The following KIF13B variants were observed in gnomAD, a reference collection of about 807,000 sequenced individuals.
KIF13B encodes kinesin-like protein KIF13B.
KIF13B carries 127 observed loss-of-function variants against 222.0 expected under a neutral mutation model. The ratio of observed to expected loss-of-function variants is 0.57; its 90% CI spans 0.50 to 0.66. The LOEUF (loss-of-function observed/expected upper bound fraction) is 0.66, where lower values mean the gene tolerates loss of function less well. Ranked by LOEUF, KIF13B falls within the 30% of genes least tolerant of loss-of-function variation. The pLI is 0.00. For missense variants in KIF13B, 2,173 were observed against 2,379.0 expected (o/e 0.91, Z 1.80); for synonymous variants, 976 against 919.0 (o/e 1.06, Z -1.12).
chr8:29,175,839 C>T (rs977335956), intron 10 of KIF13B, among the ~76,000 whole-genome samples: 4 of 152,302 alleles, frequency 2.6e-5, no homozygotes, highest in African/African-American at 4.8e-5. Flanking sequence ...ATTCCGTGTG[C>T]GTCCAGCAAC....
In KIF13B at chr8:29,101,089, C is replaced by T. The variant is rs78272097; in HGVS notation, c.4216-1848G>A. 5.8e-3 allele frequency among the ~76,000 whole-genome samples: 878 copies of T among 152,238 alleles called. 6 individuals carry two copies. Among genetic ancestry groups the T allele is most frequent in the African/African-American group, 0.02 (843 of 41,532 alleles). ...GAACGTAAGCTCTGAAATACTTCAGCGGAGGAGCGCTGGCATCCCCATGAA... is the reference window on the plus strand; with the variant it reads ...GAACGTAAGCTCTGAAATACTTCAGTGGAGGAGCGCTGGCATCCCCATGAA... On this transcript the variant is annotated intron_variant, in intron 35 of 39. Coordinates refer to ENST00000524189, the MANE Select transcript of KIF13B (RefSeq NM_015254.4).
At chr8:29,094,470 A>G (rs1808433625) in intron 36 of KIF13B, among the ~76,000 whole-genome samples, 1 of 152,240 alleles carries the variant, frequency 6.6e-6, no homozygotes, top group Non-Finnish European at 1.5e-5. Context: ...TAAGCAAAAG[A>G]GACAGACACA....
At chr8:29,148,837 T>G in intron 15 of KIF13B, 70 bp from the exon 16 acceptor site, 1 of 1,302,518 alleles carries the variant, frequency 7.7e-7, no homozygotes. Context: ...CATTAAGTAC[T>G]GGTATCTGTT....
In KIF13B at chr8:29,224,148, C is replaced by A. The variant is rs191608574; in HGVS notation, c.149+21198G>T. 2.8e-3 allele frequency among the ~76,000 whole-genome samples: 409 copies of A among 144,818 alleles called. 3 individuals carry two copies. Among genetic ancestry groups the A allele is most frequent in the African/African-American group, 9.6e-3 (377 of 39,410 alleles). On this transcript the variant is annotated intron_variant, in intron 2 of 39. Transcript: ENST00000524189. ...CTGGGACTACAGGCACCCGCCACCA[C>A]GCCCGGCTAATTTTTGTGTGTGTGT...
At chr8:29,262,317 A>G (rs1715532087) in intron 1 of KIF13B, among the ~76,000 whole-genome samples, 1 of 152,236 alleles carries the variant, frequency 6.6e-6, no homozygotes, top group South Asian at 2.1e-4. Context: ...CACTTTAGCT[A>G]TTTATTGAGA....
At chr8:29,111,601 C>T (rs900392109) in intron 32 of KIF13B, among the ~76,000 whole-genome samples, 9 of 152,136 alleles carry the variant, frequency 5.9e-5, no homozygotes, top group Non-Finnish European at 1.3e-4. Context: ...CAAGCTGATC[C>T]CCCCTATATT....
chr8:29,111,868 T>G (rs1292135070), intron 32 of KIF13B, among the ~76,000 whole-genome samples: 1 of 152,226 alleles, frequency 6.6e-6, no homozygotes, highest in Non-Finnish European at 1.5e-5. Flanking sequence ...GACATAGATG[T>G]ATACTTGTTT....
chr8:29,238,559 T>C (rs1288806190), intron 2 of KIF13B, among the ~76,000 whole-genome samples: 1 of 152,208 alleles, frequency 6.6e-6, no homozygotes, highest in African/African-American at 2.4e-5. Flanking sequence ...ATCTCAGTCT[T>C]CCCATTAGAC....
At chr8:29,172,193 G>A (rs1447019059) in intron 10 of KIF13B, among the ~76,000 whole-genome samples, 4 of 148,414 alleles carry the variant, frequency 2.7e-5, no homozygotes, top group South Asian at 2.1e-4. Context: ...CCATTCTCCT[G>A]CCTCAGCCTC....
At chr8:29,249,372 G>A (rs563601504) in intron 1 of KIF13B, among the ~76,000 whole-genome samples, 108 of 149,502 alleles carry the variant, frequency 7.2e-4, no homozygotes, top group African/African-American at 2.6e-3. Context: ...GGAGGTTGCA[G>A]TGAGCCAAGA....
At chr8:29,251,880 G>A (rs981223840) in intron 1 of KIF13B, among the ~76,000 whole-genome samples, 2 of 152,104 alleles carry the variant, frequency 1.3e-5, no homozygotes, top group African/African-American at 4.8e-5. Context: ...TTAGTACTAT[G>A]TATAAGAAGC....
intron 17 of KIF13B, 51 bp downstream of exon 17, chr8:29,147,341 G>C (rs756264089): frequency 8.2e-6 from 11 of 1,340,534 alleles, no homozygotes; most frequent in Non-Finnish European, 6.2e-6. Flanking sequence ...AGGTGTGTTA[G>C]AGGTGGCAAG....
At chr8:29,229,557 A>G (rs1815193109) in intron 2 of KIF13B, among the ~76,000 whole-genome samples, 1 of 152,258 alleles carries the variant, frequency 6.6e-6, no homozygotes, top group Admixed American at 6.5e-5. Context: ...GAGAAGATCC[A>G]CAAACTAAAG....
chr8:29,099,292 A>C, intron 35 of KIF13B, 51 bp from the exon 36 acceptor site: 1 of 1,297,096 alleles, frequency 7.7e-7, no homozygotes, highest in Non-Finnish European at 1.1e-6. Context: ...AATTAACCAA[A>C]CAAAAAAAAA....
intron 28 of KIF13B, 43 bp from the exon 29 acceptor site, chr8:29,122,689 C>T (rs1385905229): frequency 6.6e-7 from 1 of 1,517,850 alleles, no homozygotes; most frequent in Non-Finnish European, 9.1e-7. Flanking sequence ...AGGTTACTTT[C>T]TCAGTGGCAT....
intron 21 of KIF13B, among the ~76,000 whole-genome samples, chr8:29,135,525 G>C (rs1810516726): frequency 6.6e-6 from 1 of 152,138 alleles, no homozygotes; most frequent in Admixed American, 6.5e-5. Flanking sequence ...GTCACGTTCT[G>C]CATGTTGTAT....
intron 2 of KIF13B, among the ~76,000 whole-genome samples, chr8:29,208,003 T>C (rs1814031378): frequency 6.6e-6 from 1 of 152,222 alleles, no homozygotes; most frequent in African/African-American, 2.4e-5. Flanking sequence ...CAGGCACAAG[T>C]CCTTGCCCTC....
intron 35 of KIF13B, among the ~76,000 whole-genome samples, chr8:29,100,696 C>T (rs563113597): frequency 2.6e-5 from 4 of 152,224 alleles, no homozygotes; most frequent in South Asian, 2.1e-4. Context: ...GTGATCCGCC[C>T]GCCTCGGCCT....
intron 15 of KIF13B, among the ~76,000 whole-genome samples, chr8:29,149,148 C>G (rs6983037): frequency 0.33 from 49,624 of 152,138 alleles, 9,414 homozygotes; most frequent in Non-Finnish European, 0.44. Context: ...GTTCATATTC[C>G]CTGGAGAAAT....
Sources: allele counts gnomAD v4.1 joint callset (sites outside exome capture counted in the v4.1 genomes callset), GRCh38; gene constraint gnomAD v4.1.1; transcripts MANE v1.5; gene names NCBI Gene and HGNC (gene_info 2026-07-23, HGNC 2026-07-21).